BRWD1: variants seen among roughly 807,000 people sequenced by gnomAD.
BRWD1 encodes bromodomain and WD repeat domain containing 1.
A neutral mutation model predicts 251.2 loss-of-function variants in BRWD1; 82 were observed. That is an observed-to-expected ratio of 0.33 (90% CI 0.27 to 0.39). BRWD1 has a LOEUF of 0.39. Among genes scored for constraint, BRWD1 ranks in the 10% least tolerant of loss-of-function variants. BRWD1 has a pLI of 1.00. For synonymous variants in BRWD1, 918 were observed against 902.8 expected (o/e 1.02, Z -0.30); for missense variants, 2,233 against 2,711.6 (o/e 0.82, Z 3.92).
Position 39,194,080 on chromosome 21 carries a change from T to G in BRWD1, c.*2179A>C, listed in dbSNP as rs2031689713. On this transcript the variant is annotated 3_prime_UTR_variant, in exon 41 of 41. Transcript: ENST00000342449. ...TGATTAAAAACCAAAATACCACTTC[T>G]GTATGCAAGGGTCTAACTATTTTGG... 1.0e-6 allele frequency: 1 copy of G among 985,342 alleles called. No individual in the cohort carries two copies. Among genetic ancestry groups the G allele is most frequent in the South Asian group, 4.7e-5 (1 of 21,290 alleles). 61.0% of individuals were successfully genotyped at this position (985,342 alleles called of 1,614,324 possible). A position where few individuals can be genotyped will look rare whatever the true frequency, so the allele number is the denominator to read the frequency against.
At chr21:39,309,900 G>A (rs2036421663) in intron 4 of BRWD1, among the ~76,000 whole-genome samples, 1 of 151,196 alleles carries the variant, frequency 6.6e-6, no homozygotes, top group African/African-American at 2.4e-5. Flanking sequence ...ATTGGCACTT[G>A]ATGATATAAT....
upstream of BRWD1, chr21:39,314,167 T>G: frequency 6.6e-6 from 3 of 455,808 alleles, no homozygotes; most frequent in South Asian, 3.1e-5. Context: ...GCTTTTAAAG[T>G]GAGGATTGGC....
chr21:39,221,852 C>T (rs990351249), intron 29 of BRWD1, among the ~76,000 whole-genome samples: 2 of 151,146 alleles, frequency 1.3e-5, no homozygotes, highest in Admixed American at 1.3e-4. Flanking sequence ...TGCAGTGAGT[C>T]GCGATTGCAC....
intron 37 of BRWD1, among the ~76,000 whole-genome samples, chr21:39,203,016 T>C (rs1237616184): frequency 2.0e-5 from 3 of 152,252 alleles, no homozygotes; most frequent in African/African-American, 7.2e-5. Flanking sequence ...AAAATGATTT[T>C]TGTCCCAAGA....
intron 21 of BRWD1, among the ~76,000 whole-genome samples, chr21:39,245,254 AAC>A (rs928736087): frequency 1.3e-5 from 2 of 152,042 alleles, no homozygotes; most frequent in African/African-American, 2.4e-5. Context: ...AAAAAATAAA[AAC>A]AGTTTAAACA....
At position 39,313,116 on chromosome 21, in the gene BRWD1, C is replaced by T; in HGVS notation, c.109-15G>A. On this transcript the variant is annotated splice_polypyrimidine_tract_variant and intron_variant, in intron 2 of 40. Coordinates refer to ENST00000342449, the MANE Select transcript of BRWD1 (RefSeq NM_033656.4). Reference sequence around the variant, plus strand: ...TGCACCAGCACCTGCGGCCGAGAGACGCGCGGTCAGGGGTGGGGTCGGGCC... The same window carrying T: ...TGCACCAGCACCTGCGGCCGAGAGATGCGCGGTCAGGGGTGGGGTCGGGCC... The T allele has an allele frequency of 6.7e-7, 1 of 1,496,324 alleles. No homozygotes were observed. Among genetic ancestry groups the T allele is most frequent in the Non-Finnish European group, 8.9e-7 (1 of 1,124,824 alleles). 92.7% of individuals were successfully genotyped at this position (1,496,324 alleles called of 1,614,324 possible).
rs1217391614 is a variant in BRWD1 at position 39,193,546 on chromosome 21, A to G, written c.*2713T>C. Reference sequence around the variant, plus strand: ...CAAAAATCAAATCTGAGTACTTCAAAGCCTGTAAAACCATAAATGAATAAA... The same window carrying G: ...CAAAAATCAAATCTGAGTACTTCAAGGCCTGTAAAACCATAAATGAATAAA... On this transcript the variant is annotated 3_prime_UTR_variant, in exon 41 of 41. Coordinates refer to ENST00000342449, the MANE Select transcript of BRWD1 (RefSeq NM_033656.4). The G allele has an allele frequency of 1.5e-4, 148 of 985,476 alleles. No homozygotes were observed. Among genetic ancestry groups the G allele is most frequent in the Non-Finnish European group, 1.7e-4 (145 of 829,758 alleles). The allele number at this position is 985,476 out of a possible 1,614,324, so 61.0% of individuals were successfully genotyped here.
rs778466255 is a variant in BRWD1, at chr21:39,312,826, G to T, written c.198+15C>A. ...TGCACGGAAAACCCGGGGAGCAAAC[G>T]TGCCCAATGCTCACCAACTCCTCGT... On this transcript the variant is annotated intron_variant, in intron 4 of 40. Transcript: ENST00000342449. 1.3e-4 allele frequency: 212 copies of T among 1,588,608 alleles called. No individual in the cohort carries two copies. The highest frequency in any genetic ancestry group is 1.7e-4 in the Non-Finnish European group (199 of 1,168,392).
intron 31 of BRWD1, among the ~76,000 whole-genome samples, chr21:39,216,443 G>A (rs531959896): frequency 2.7e-4 from 41 of 152,278 alleles, no homozygotes; most frequent in African/African-American, 9.1e-4. Context: ...GCCCTGACTC[G>A]GACCTCCCTT....
chr21:39,279,638 C>CAAAAAAAAAAAAAAAAAAGAAAAAAAAA (rs1437422287), intron 9 of BRWD1, among the ~76,000 whole-genome samples: 2 of 66,928 alleles, frequency 3.0e-5, no homozygotes, highest in East Asian at 8.1e-4. Flanking sequence ...GACTCCATCT[C>CAAAAAAAAAAAAAAAAAAGAAAAAAAAA]AAAAAAAAAA....
intron 25 of BRWD1, among the ~76,000 whole-genome samples, 181 bp downstream of exon 25, chr21:39,231,996 T>G (rs115604135): frequency 0.022 from 3,349 of 152,274 alleles, 95 homozygotes; most frequent in African/African-American, 0.074. Context: ...ACATACAAAT[T>G]TTGCCCACTG....
intron 1 of BRWD1, 66 bp downstream of exon 1, chr21:39,313,377 G>A (rs2036585773): frequency 2.7e-6 from 4 of 1,479,734 alleles, no homozygotes; most frequent in African/African-American, 1.5e-5. Flanking sequence ...GGGGGAGCCC[G>A]GGGAGCCGGG....
Position 39,210,125 on chromosome 21 carries a change from G to T in BRWD1, c.4067C>A (p.Thr1356Asn), listed in dbSNP as rs1339750185. ...CCTTACTGTTCCAAAATCCATTGGG[G>T]TATCTATAATATCTCTGTAGTCCTA... ...EYPDYRDIID[T>N]PMDFGTVRET... The change falls in exon 36 of 41, where the codon ACC becomes AAC. Residue 1356 changes from threonine (T) to asparagine (N), a missense_variant. Thr to Asn is a moderately conservative substitution (Grantham distance 65). This residue lies in a region of BRWD1 where 69 missense variants were observed against 101.6 expected (regional missense o/e 0.68). Coordinates refer to ENST00000342449, the MANE Select transcript of BRWD1 (RefSeq NM_033656.4). The T allele has an allele frequency of 1.9e-6, 3 of 1,610,808 alleles. No individual in the cohort carries two copies. The highest frequency in any genetic ancestry group is 2.7e-5 in the African/African-American group (2 of 74,750).
At chr21:39,311,406 C>T (rs1001012854) in intron 4 of BRWD1, among the ~76,000 whole-genome samples, 1 of 152,148 alleles carries the variant, frequency 6.6e-6, no homozygotes, top group Admixed American at 6.6e-5. Context: ...CCTCCCACCT[C>T]GGCCTCCTAA....
rs1436282882 is a variant in BRWD1, at chr21:39,199,070, A to T, written c.5346T>A (p.Leu1782=). The change falls in exon 40 of 41, where the codon CTT becomes CTA. Residue 1782 remains leucine, a synonymous_variant. Transcript: ENST00000342449. ...TAGPSTSVQK[L]KAESISEEAD... is the part of the protein sequence containing the mutation. ...CTTCCTCTGAGATGCTCTCTGCCTT[A>T]AGTTTCTGCACAGACGTTGATGGGC... 6.2e-7 allele frequency: 1 copy of T among 1,614,138 alleles called. No homozygotes were observed. The highest frequency in any genetic ancestry group is 1.1e-5 in the South Asian group (1 of 91,070).
intron 27 of BRWD1, among the ~76,000 whole-genome samples, chr21:39,225,678 A>C (rs927087694): frequency 3.3e-5 from 5 of 152,232 alleles, no homozygotes; most frequent in African/African-American, 1.2e-4. Context: ...TATACCTGGC[A>C]AACAGTCTTG....
In BRWD1 at chr21:39,192,939, A is replaced by G. The variant is rs1568848349; in HGVS notation, c.*3320T>C. The G allele has an allele frequency of 1.0e-6, 1 of 984,308 alleles. No individual in the cohort carries two copies. Among genetic ancestry groups the G allele is most frequent in the Non-Finnish European group, 1.2e-6 (1 of 829,006 alleles). The allele number at this position is 984,308 out of a possible 1,614,324, so 61.0% of individuals were successfully genotyped here. ...TTTTCTGATTCTTCTACAAAAAAAA[A>G]AGTCTAGAAGACAGAGGGAATGTAG... On this transcript the variant is annotated 3_prime_UTR_variant, in exon 41 of 41. Transcript: ENST00000342449.
intron 4 of BRWD1, among the ~76,000 whole-genome samples, chr21:39,310,544 T>C (rs2036446048): frequency 6.6e-6 from 1 of 152,122 alleles, no homozygotes; most frequent in Non-Finnish European, 1.5e-5. Context: ...GGAGGATCAC[T>C]TGAACCCAGG....
At position 39,187,943 on chromosome 21, in the gene BRWD1, G is replaced by A. The variant is rs947472926; in HGVS notation, c.*8316C>T. On this transcript the variant is annotated 3_prime_UTR_variant, in exon 41 of 41. Transcript: ENST00000342449. Reference sequence around the variant, plus strand: ...AGCTTTTAGACGAGAGGTGAAAATTGTGAAGGGATTTGCCAGACAAAAAGC... The same window carrying A: ...AGCTTTTAGACGAGAGGTGAAAATTATGAAGGGATTTGCCAGACAAAAAGC... The A allele has an allele frequency of 6.1e-6, 6 of 984,070 alleles. No individual in the cohort carries two copies. The South Asian group carries it at 2.8e-4, about 46-fold the overall frequency. 61.0% of individuals were successfully genotyped at this position (984,070 alleles called of 1,614,324 possible). A position where few individuals can be genotyped will look rare whatever the true frequency, so the allele number is the denominator to read the frequency against.
Sources: gnomAD v4.1 joint callset for allele counts (sites outside exome capture counted in the v4.1 genomes callset) on GRCh38, gnomAD v4.1.1 for gene constraint, gnomAD v4.1.1 regional missense constraint, MANE v1.5 for transcripts, NCBI Gene and HGNC (gene_info 2026-07-23, HGNC 2026-07-21) for gene names.